Variants in XPO1 observed in about 807,000 individuals in gnomAD.
XPO1 encodes exportin-1.
XPO1 carries 5 observed loss-of-function variants against 133.3 expected under a neutral mutation model. The observed-to-expected ratio is 0.04, with a 90% confidence interval of 0.02 to 0.08. The LOEUF (loss-of-function observed/expected upper bound fraction) is 0.08, where lower values mean the gene tolerates loss of function less well. XPO1 is among the 10% of genes least tolerant of loss of function. The pLI, the probability that XPO1 is intolerant of heterozygous loss-of-function variation, is 1.00. For synonymous variants in XPO1, 419 were observed against 408.2 expected, an observed-to-expected ratio of 1.03 and a Z score of -0.32; for missense variants, 506 against 1,267.5, an observed-to-expected ratio of 0.40 and a Z score of 9.12.
intron 19 of XPO1, among the ~76,000 whole-genome samples, chr2:61,487,491 T>C (rs972987021): frequency 6.6e-6 from 1 of 151,224 alleles, no homozygotes; most frequent in Non-Finnish European, 1.5e-5. Flanking sequence ...CAAGAAACAA[T>C]ACTGAAATTT....
chr2:61,488,516 T>A, intron 18 of XPO1, 72 bp downstream of exon 18: 1 of 1,462,058 alleles, frequency 6.8e-7, no homozygotes, highest in Non-Finnish European at 9.3e-7. Flanking sequence ...AAACATCAAA[T>A]GTTTGACTTA....
At chr2:61,495,686 T>C in intron 10 of XPO1, 73 bp from the exon 11 acceptor site, 1 of 1,374,792 alleles carries the variant, frequency 7.3e-7, no homozygotes, top group Non-Finnish European at 9.6e-7. Flanking sequence ...TTTATTATTA[T>C]TTTTTTGAGA....
At chr2:61,528,305 T>G (rs1475765821) in intron 2 of XPO1, among the ~76,000 whole-genome samples, 1 of 152,150 alleles carries the variant, frequency 6.6e-6, no homozygotes, top group Non-Finnish European at 1.5e-5. Flanking sequence ...TGAATAGGGT[T>G]GTACGGCTAC....
intron 2 of XPO1, among the ~76,000 whole-genome samples, chr2:61,533,151 C>T (rs1699231890): frequency 1.3e-5 from 2 of 152,316 alleles, no homozygotes; most frequent in Non-Finnish European, 2.9e-5. Flanking sequence ...TGCACTCCTG[C>T]CTGGACCACA....
intron 4 of XPO1, among the ~76,000 whole-genome samples, chr2:61,514,130 T>C (rs1698235330): frequency 6.7e-6 from 1 of 149,988 alleles, no homozygotes; most frequent in Admixed American, 6.7e-5. Context: ...GAGGTTGCAG[T>C]GAGCTGAGAT....
chr2:61,515,006 T>G (rs1236830529), intron 4 of XPO1, among the ~76,000 whole-genome samples: 3 of 149,282 alleles, frequency 2.0e-5, no homozygotes, highest in Non-Finnish European at 4.4e-5. Context: ...GAGCCAGAGG[T>G]TGCAATGAGC....
At chr2:61,480,211 G>A (rs891683996) in intron 24 of XPO1, 2 of 151,382 alleles carry the variant, frequency 1.3e-5, no homozygotes, top group African/African-American at 4.9e-5. Context: ...TTTCTCCTAA[G>A]GCTAATTAAT....
chr2:61,518,250 A>T (rs1285000427), intron 4 of XPO1, among the ~76,000 whole-genome samples: 2 of 151,188 alleles, frequency 1.3e-5, no homozygotes, highest in East Asian at 2.0e-4. Flanking sequence ...GAAACCCTAC[A>T]TCTTTAAAAA....
intron 4 of XPO1, among the ~76,000 whole-genome samples, chr2:61,513,156 C>A (rs555744751): frequency 6.6e-6 from 1 of 151,242 alleles, no homozygotes; most frequent in African/African-American, 2.4e-5. Context: ...CCGAACTCAA[C>A]TCAAGCATTC....
chr2:61,515,636 TA>T (rs1698336313), intron 4 of XPO1, among the ~76,000 whole-genome samples: 1 of 152,120 alleles, frequency 6.6e-6, no homozygotes, highest in Admixed American at 6.5e-5. Context: ...TGAGGTCAAA[TA>T]ATGTAGCCAG....
chr2:61,483,036 A>C lies in XPO1; in HGVS notation c.2733T>G (p.Ala911=). The stretch of plus-strand genomic sequence containing the variant: ...AAAAATAAGTTTGATAAAAACTCTG[A>C]GCTGCAGCTTCTTCTTGTGCAACAT... The part of the protein sequence containing the change: ...LQNVAQEEAA[A]QSFYQTYFCD... Residue 911 remains alanine (A), a synonymous_variant, in exon 22 of 25, where the codon GCT becomes GCG. Transcript: ENST00000401558. The C allele has an allele frequency of 6.2e-7, 1 of 1,613,874 alleles. No homozygotes were observed. The highest frequency in any genetic ancestry group is 1.1e-5 in the South Asian group (1 of 91,070).
intron 4 of XPO1, among the ~76,000 whole-genome samples, chr2:61,516,465 A>T (rs1698395911): frequency 6.6e-6 from 1 of 151,852 alleles, no homozygotes; most frequent in African/African-American, 2.4e-5. Context: ...CCCAGGCCGT[A>T]GTGCAATGGC....
At chr2:61,514,070 C>T (rs1446762742) in intron 4 of XPO1, among the ~76,000 whole-genome samples, 1 of 151,848 alleles carries the variant, frequency 6.6e-6, no homozygotes, top group Non-Finnish European at 1.5e-5. Flanking sequence ...ACCTGTAATC[C>T]CAGCTACTCA....
intron 4 of XPO1, among the ~76,000 whole-genome samples, chr2:61,515,069 TAAA>T (rs10638897): frequency 7.8e-6 from 1 of 127,390 alleles, no homozygotes; most frequent in Non-Finnish European, 1.6e-5. Flanking sequence ...GTGACTGTCT[TAAA>T]AAAAAAAAAA....
chr2:61,507,845 C>G (rs1199107564), intron 4 of XPO1, among the ~76,000 whole-genome samples: 2 of 152,124 alleles, frequency 1.3e-5, no homozygotes, highest in Non-Finnish European at 2.9e-5. Context: ...TCCTAGTGAG[C>G]TGAAATAGTG....
chr2:61,487,347 C>G (rs971927787), intron 19 of XPO1, among the ~76,000 whole-genome samples: 1 of 152,178 alleles, frequency 6.6e-6, no homozygotes, highest in African/African-American at 2.4e-5. Context: ...ATCTTACTTT[C>G]TGCTTTCAAA....
At chr2:61,523,324 G>GT (rs2104757819) in intron 3 of XPO1, among the ~76,000 whole-genome samples, 1 of 152,260 alleles carries the variant, frequency 6.6e-6, no homozygotes, top group Admixed American at 6.5e-5. Context: ...GTTGCAATCT[G>GT]TATCTACCTT....
At chr2:61,501,721 CA>C (rs34659499) in intron 6 of XPO1, among the ~76,000 whole-genome samples, 145 of 111,394 alleles carry the variant, frequency 1.3e-3, no homozygotes, top group African/African-American at 3.3e-3. Context: ...AGACTGTCTC[CA>C]AAAAAAAAAA....
At chr2:61,491,499 C>CCCAAAA (rs1696994279) in intron 16 of XPO1, among the ~76,000 whole-genome samples, 3 of 148,666 alleles carry the variant, frequency 2.0e-5, no homozygotes, top group African/African-American at 7.4e-5. Flanking sequence ...CACACACACC[C>CCCAAAA]CAAAACAAAA....
Sources: gnomAD v4.1 joint callset for allele counts (sites outside exome capture counted in the v4.1 genomes callset) on GRCh38, gnomAD v4.1.1 for gene constraint, MANE v1.5 for transcripts, NCBI Gene and HGNC (gene_info 2026-07-23, HGNC 2026-07-21) for gene names.